The following MERTK variants were observed in gnomAD, a reference collection of about 807,000 sequenced individuals.
MERTK encodes MER proto-oncogene, tyrosine kinase, also known as tyrosine-protein kinase Mer.
In MERTK, 69 loss-of-function variants were observed where a neutral mutation model predicts 99.3. The observed-to-expected ratio is 0.70, with a 90% CI of 0.57 to 0.85. The LOEUF is 0.85. MERTK is among the 40% of genes least tolerant of loss of function. MERTK has a pLI of 0.00. For synonymous variants in MERTK, 426 were observed against 467.6 expected, an observed-to-expected ratio of 0.91 and a Z score of 1.15; for missense variants, 1,125 against 1,249.4, an observed-to-expected ratio of 0.90 and a Z score of 1.50.
At chr2:111,905,974 T>C (rs530981697) in intron 1 of MERTK, among the ~76,000 whole-genome samples, 7 of 152,314 alleles carry the variant, frequency 4.6e-5, no homozygotes, top group Admixed American at 1.3e-4. Flanking sequence ...GCTAAGAACA[T>C]TTATATTTGT....
chr2:111,946,835 A>G (rs1182667227), intron 3 of MERTK, among the ~76,000 whole-genome samples: 2 of 152,234 alleles, frequency 1.3e-5, no homozygotes, highest in Admixed American at 6.5e-5. Context: ...GTTCTGAGTC[A>G]CTATTTATAG....
intron 13 of MERTK, among the ~76,000 whole-genome samples, chr2:112,005,916 C>G (rs1456534663): frequency 2.6e-5 from 4 of 152,056 alleles, no homozygotes; most frequent in Non-Finnish European, 4.4e-5. Flanking sequence ...GAGTATTGCT[C>G]TGTCGCCCAG....
intron 3 of MERTK, among the ~76,000 whole-genome samples, chr2:111,946,112 G>A (rs771212613): frequency 2.0e-5 from 3 of 152,142 alleles, no homozygotes; most frequent in Non-Finnish European, 4.4e-5. Context: ...AAGACAGAGG[G>A]GAGGGGGAAG....
chr2:111,963,798 C>G (rs190004221), intron 4 of MERTK, among the ~76,000 whole-genome samples: 8 of 152,030 alleles, frequency 5.3e-5, no homozygotes, highest in African/African-American at 1.7e-4. Context: ...ATCTCTCTTT[C>G]TTTTCCCCAC....
At chr2:112,007,080 TG>T (rs1676995190) in intron 13 of MERTK, among the ~76,000 whole-genome samples, 2 of 152,184 alleles carry the variant, frequency 1.3e-5, no homozygotes, top group Non-Finnish European at 2.9e-5. Flanking sequence ...CCATTTTAAG[TG>T]TACAATTCAG....
rs143930363 is a variant in MERTK, at chr2:111,948,971, C to A, written c.757+1404C>A. ...CCAGCCCCATCCCATGCTCTCCATC[C>A]TGCTTGTTAGGCACGAGTCACATTG... On this transcript the variant is annotated intron_variant, in intron 4 of 18. Coordinates refer to ENST00000295408, the MANE Select transcript of MERTK (RefSeq NM_006343.3). Among the ~76,000 whole-genome samples, 92 of 152,122 alleles carry A rather than the reference C, an allele frequency of 6.0e-4. 1 individual carries two copies. In the Middle Eastern group the frequency reaches 0.014, roughly 22 times the overall value.
At chr2:111,904,523 C>T (rs1684102432) in intron 1 of MERTK, among the ~76,000 whole-genome samples, 1 of 151,930 alleles carries the variant, frequency 6.6e-6, no homozygotes. Flanking sequence ...TTACAGGTGC[C>T]CTCCACCAGA....
At chr2:112,011,091 G>T (rs2104414084) in intron 15 of MERTK, among the ~76,000 whole-genome samples, 1 of 152,284 alleles carries the variant, frequency 6.6e-6, no homozygotes, top group African/African-American at 2.4e-5. Flanking sequence ...CCCCACCTTT[G>T]TCCCTTTAGC....
intron 2 of MERTK, chr2:111,940,267 G>A (rs1684838258): frequency 2.4e-6 from 1 of 409,352 alleles, no homozygotes. Flanking sequence ...GTACTAAATA[G>A]ACTAAATAGG....
At chr2:112,005,250 G>T (rs771804734) in intron 13 of MERTK, among the ~76,000 whole-genome samples, 1 of 152,150 alleles carries the variant, frequency 6.6e-6, no homozygotes, top group Admixed American at 6.5e-5. Context: ...TGAATTTTTA[G>T]TAGAGAAGAT....
intron 6 of MERTK, among the ~76,000 whole-genome samples, chr2:111,973,982 T>A: frequency 8.7e-6 from 1 of 115,168 alleles, no homozygotes; most frequent in East Asian, 2.3e-4. Flanking sequence ...CTTTGCTATA[T>A]CTCCTCATCA....
intron 3 of MERTK, 97 bp downstream of exon 3, chr2:111,945,157 T>G: frequency 2.4e-5 from 22 of 931,914 alleles, no homozygotes; most frequent in Non-Finnish European, 3.4e-5. Context: ...TTTGCCTGCC[T>G]ATTTATAACT....
intron 1 of MERTK, among the ~76,000 whole-genome samples, chr2:111,909,918 C>T (rs1411362474): frequency 6.6e-6 from 1 of 152,172 alleles, no homozygotes. Flanking sequence ...TGTAATTGCA[C>T]TACTGGTCAT....
intron 1 of MERTK, among the ~76,000 whole-genome samples, chr2:111,900,266 C>T (rs181627896): frequency 2.0e-5 from 3 of 152,248 alleles, no homozygotes; most frequent in East Asian, 3.9e-4. Flanking sequence ...ACTTTTTGCA[C>T]GTTAAATTAC....
chr2:111,916,283 G>A (rs113538541), intron 1 of MERTK, among the ~76,000 whole-genome samples: 5,387 of 152,070 alleles, frequency 0.035, 308 homozygotes, highest in African/African-American at 0.12. Context: ...GAGAGCCACC[G>A]CGCCTGGCCC....
intron 5 of MERTK, 107 bp from the exon 6 acceptor site, chr2:111,968,030 C>T (rs925210935): frequency 6.2e-6 from 5 of 811,482 alleles, no homozygotes; most frequent in Non-Finnish European, 1.1e-5. Context: ...CTTTACTAAT[C>T]TCAAGGAACG....
intron 18 of MERTK, among the ~76,000 whole-genome samples, chr2:112,027,850 G>A (rs535527751): frequency 5.9e-5 from 9 of 152,344 alleles, no homozygotes; most frequent in South Asian, 4.1e-4. Context: ...TCAGTTTGAT[G>A]GCATAGGACA....
chr2:111,985,916 A>G (rs1219019760), intron 8 of MERTK, among the ~76,000 whole-genome samples: 2 of 152,236 alleles, frequency 1.3e-5, no homozygotes, highest in African/African-American at 4.8e-5. Flanking sequence ...TAGATGCTGC[A>G]TATAGAGATG....
intron 13 of MERTK, among the ~76,000 whole-genome samples, chr2:112,006,393 A>G (rs1676980891): frequency 6.6e-6 from 1 of 152,146 alleles, no homozygotes; most frequent in Non-Finnish European, 1.5e-5. Context: ...TAGCCCCCAG[A>G]AACTAAAACA....
Sources: gnomAD v4.1 joint callset for allele counts (sites outside exome capture counted in the v4.1 genomes callset) on GRCh38, gnomAD v4.1.1 for gene constraint, MANE v1.5 for transcripts, NCBI Gene and HGNC (gene_info 2026-07-23, HGNC 2026-07-21) for gene names.